Variants in SPTSSA observed in about 807,000 individuals in gnomAD.
SPTSSA encodes small subunit of serine palmitoyltransferase A.
SPTSSA carries 8 observed loss-of-function variants against 9.1 expected under a neutral mutation model. The ratio of observed to expected loss-of-function variants is 0.88; its 90% confidence interval spans 0.51 to 1.58. The LOEUF (loss-of-function observed/expected upper bound fraction) is 1.58. Ranked by LOEUF, SPTSSA falls within the 40% of genes most tolerant of loss-of-function variation. The pLI is 0.00. For synonymous variants in SPTSSA, 42 were observed against 37.7 expected (o/e 1.11, Z -0.41); for missense variants, 100 against 93.8 (o/e 1.07, Z -0.27).
rs188407081 is a variant in SPTSSA, at chr14:34,433,554, C to A, written c.*1647G>T. On this transcript the variant is annotated 3_prime_UTR_variant, in exon 2 of 2. Transcript: ENST00000298130. The stretch of plus-strand genomic sequence containing the variant: ...GTAATTCCATATTATTCTCACTACT[C>A]CTATCTAATTGTGGTATCAATTGGC... The A allele has an allele frequency of 6.6e-6, 1 of 152,218 alleles. No homozygotes were observed. The highest frequency in any genetic ancestry group is 1.9e-4 in the East Asian group (1 of 5,188). 9.4% of individuals were successfully genotyped at this position (152,218 alleles called of 1,614,324 possible).
At chr14:34,447,623 A>G (rs78176165) in intron 1 of SPTSSA, among the ~76,000 whole-genome samples, 3,307 of 152,260 alleles carry the variant, frequency 0.022, 51 homozygotes, top group Middle Eastern at 0.034. Context: ...GAACCTGAAC[A>G]AAAAGGGGGA....
At chr14:34,449,503 C>CTTTTTTTTTTTTT (rs35238717) in intron 1 of SPTSSA, among the ~76,000 whole-genome samples, 1 of 123,732 alleles carries the variant, frequency 8.1e-6, no homozygotes, top group African/African-American at 3.1e-5. Flanking sequence ...CCCGGCCTCC[C>CTTTTTTTTTTTTT]TTTTTTTTTT....
At position 34,435,217 on chromosome 14, in the gene SPTSSA, A is replaced by G; in HGVS notation, c.200T>C (p.Phe67Ser). The G allele has an allele frequency of 6.2e-7, 1 of 1,613,608 alleles. No homozygotes were observed. The highest frequency in any genetic ancestry group is 2.2e-5 in the East Asian group (1 of 44,872). The part of the protein sequence containing the change: ...PQHIMAILHY[F>S]EIVQ The stretch of plus-strand genomic sequence containing the variant: ...GCATCTTGGTCATTGTACGATTTCA[A>G]AGTAGTGCAATATCGCCATGATGTG... Residue 67 changes from phenylalanine (F) to serine (S), a missense_variant, in exon 2 of 2, where the codon TTT becomes TCT. Transcript: ENST00000298130.
chr14:34,455,253 G>T (rs767258207), intron 1 of SPTSSA, among the ~76,000 whole-genome samples: 1 of 152,040 alleles, frequency 6.6e-6, no homozygotes, highest in African/African-American at 2.4e-5. Context: ...AGGGTATGGC[G>T]GCGGGCACCT....
intron 1 of SPTSSA, among the ~76,000 whole-genome samples, chr14:34,457,970 GGAAAAA>G (rs1878518367): frequency 1.2e-5 from 1 of 83,362 alleles, no homozygotes. Context: ...AGACTGTCTC[GGAAAAA>G]AAAAAAAAAA....
chr14:34,452,964 A>G (rs1162099943), intron 1 of SPTSSA, among the ~76,000 whole-genome samples: 1 of 151,888 alleles, frequency 6.6e-6, no homozygotes, highest in Non-Finnish European at 1.5e-5. Flanking sequence ...TTATACATGG[A>G]TTTTCTTCTG....
intron 1 of SPTSSA, among the ~76,000 whole-genome samples, chr14:34,449,503 C>CT (rs35238717): frequency 0.011 from 1,359 of 123,696 alleles, 9 homozygotes; most frequent in Non-Finnish European, 0.015. Context: ...CCCGGCCTCC[C>CT]TTTTTTTTTT....
intron 1 of SPTSSA, among the ~76,000 whole-genome samples, chr14:34,448,110 C>T (rs1289908942): frequency 6.6e-6 from 1 of 152,074 alleles, no homozygotes; most frequent in Non-Finnish European, 1.5e-5. Context: ...CAAAAATTAG[C>T]TGGGCATGGT....
In SPTSSA at chr14:34,438,723, A is replaced by C. The variant is rs1883276604; in HGVS notation, c.113-3419T>G. On this transcript the variant is annotated intron_variant, in intron 1 of 1. Transcript: ENST00000298130. ...ACCTATGACTTCTCAGTTCTTCCCC[A>C]ATCCCTACAAATGACTCTTGTATCT... is the stretch of plus-strand genomic sequence containing the variant. 2.0e-5 allele frequency among the ~76,000 whole-genome samples: 3 copies of C among 152,230 alleles called. No homozygotes were observed. In the East Asian group the frequency reaches 5.8e-4, roughly 29 times the overall value.
At position 34,434,285 on chromosome 14, in the gene SPTSSA, C is replaced by T. The variant is rs772846080; in HGVS notation, c.*916G>A. ...AGTGAAAGGATTTTAACCAAGTTTA[C>T]ATTTCTTTTTGCTATAATTTTTAAC... On this transcript the variant is annotated 3_prime_UTR_variant, in exon 2 of 2. Transcript: ENST00000298130. 2.0e-5 allele frequency: 3 copies of T among 152,474 alleles called. No individual in the cohort carries two copies. The highest frequency in any genetic ancestry group is 4.4e-5 in the Non-Finnish European group (3 of 68,014). The allele number at this position is 152,474 out of a possible 1,614,324, so 9.4% of individuals were successfully genotyped here.
chr14:34,457,790 G>A (rs1219997688), intron 1 of SPTSSA, among the ~76,000 whole-genome samples: 2 of 151,904 alleles, frequency 1.3e-5, no homozygotes, highest in Non-Finnish European at 2.9e-5. Context: ...TGGCTAACAT[G>A]GTGAAACCCC....
intron 1 of SPTSSA, among the ~76,000 whole-genome samples, chr14:34,451,326 T>A (rs577086018): frequency 1.3e-5 from 2 of 152,254 alleles, no homozygotes; most frequent in South Asian, 4.1e-4. Context: ...TTAAGTCACA[T>A]TAAATCACAT....
intron 1 of SPTSSA, among the ~76,000 whole-genome samples, chr14:34,453,498 A>G (rs952109443): frequency 3.9e-5 from 6 of 152,110 alleles, no homozygotes; most frequent in African/African-American, 1.4e-4. Context: ...TTTCCATTCA[A>G]CTTTGTCCAT....
At chr14:34,461,696 G>A (rs1234885737) in intron 1 of SPTSSA, among the ~76,000 whole-genome samples, 1 of 152,204 alleles carries the variant, frequency 6.6e-6, no homozygotes, top group African/African-American at 2.4e-5. Context: ...AAGGTCAAAG[G>A]CGTCCAAGCC....
chr14:34,446,822 G>A (rs1883429801), intron 1 of SPTSSA, among the ~76,000 whole-genome samples: 1 of 152,178 alleles, frequency 6.6e-6, no homozygotes, highest in Admixed American at 6.5e-5. Flanking sequence ...CTAAATAATA[G>A]AATTGGCTAA....
chr14:34,435,239 T>A lies in SPTSSA; in HGVS notation c.178A>T (p.Ile60Phe), dbSNP rs11547001. 1 of 1,613,790 alleles carries A rather than the reference T, an allele frequency of 6.2e-7. No homozygotes were observed. Among genetic ancestry groups the A allele is most frequent in the Non-Finnish European group, 8.5e-7 (1 of 1,179,834 alleles). Residue 60 changes from isoleucine to phenylalanine, a missense_variant, in exon 2 of 2, where the codon ATC becomes TTC. Coordinates refer to ENST00000298130, the MANE Select transcript of SPTSSA (RefSeq NM_138288.4). Reference sequence around the variant, plus strand: ...TCAAAGTAGTGCAATATCGCCATGATGTGCTGGGGCATGAAGACGTATCCT... The same window carrying A: ...TCAAAGTAGTGCAATATCGCCATGAAGTGCTGGGGCATGAAGACGTATCCT... ...YTGYVFMPQH[I>F]MAILHYFEIV...
Position 34,462,178 on chromosome 14 carries a change from C to T in SPTSSA, c.30G>A (p.Trp10Ter). The T allele has an allele frequency of 3.9e-6, 6 of 1,534,682 alleles. No individual in the cohort carries two copies. The highest frequency in any genetic ancestry group is 5.3e-6 in the Non-Finnish European group (6 of 1,136,802). MAGMALARAWKQMSWFYYQY... is the reference protein window; with the variant it reads MAGMALARA ...GGTAGTAGAACCAGGACATCTGCTT[C>T]CAGGCCCGCGCCAGCGCCATCCCCG... The change falls in exon 1 of 2, where the codon TGG (tryptophan) becomes TGA (stop). Residue 10 changes from tryptophan (W) to a stop codon, truncating the protein, a stop_gained. Transcript: ENST00000298130. LOFTEE classifies it high-confidence loss of function.
At chr14:34,458,954 G>A (rs1878552901) in intron 1 of SPTSSA, among the ~76,000 whole-genome samples, 1 of 140,706 alleles carries the variant, frequency 7.1e-6, no homozygotes, top group African/African-American at 2.7e-5. Flanking sequence ...ACTGAGGCTA[G>A]AGTGCAGTGG....
chr14:34,456,333 T>C (rs2138834561), intron 1 of SPTSSA, among the ~76,000 whole-genome samples: 1 of 151,994 alleles, frequency 6.6e-6, no homozygotes, highest in South Asian at 2.1e-4. Flanking sequence ...AAAAAAATAA[T>C]AAATCAATAA....
Sources: allele counts gnomAD v4.1 joint callset (sites outside exome capture counted in the v4.1 genomes callset), GRCh38; gene constraint gnomAD v4.1.1; transcripts MANE v1.5; gene names NCBI Gene and HGNC (gene_info 2026-07-23, HGNC 2026-07-21).